The following PDE1C variants were observed in gnomAD, a reference collection of about 807,000 sequenced individuals.
The protein encoded by PDE1C is phosphodiesterase 1C, also known as dual specificity calcium/calmodulin-dependent 3',5'-cyclic nucleotide phosphodiesterase 1C.
Under a neutral mutation model 93.1 loss-of-function variants are expected in PDE1C, and 62 were observed. The ratio of observed to expected loss-of-function variants is 0.67; its 90% CI spans 0.54 to 0.82. The LOEUF (loss-of-function observed/expected upper bound fraction) is 0.82, where lower values mean the gene tolerates loss of function less well. PDE1C is among the 40% of genes least tolerant of loss of function. PDE1C has a pLI of 0.00. For synonymous variants in PDE1C, 325 were observed against 310.1 expected, an observed-to-expected ratio of 1.05 and a Z score of -0.50; for missense variants, 742 against 884.6, an observed-to-expected ratio of 0.84 and a Z score of 2.04.
chr7:31,698,774 A>T, the PDE1C span, among the ~76,000 whole-genome samples: 1 of 152,214 alleles, frequency 6.6e-6, no homozygotes, highest in Non-Finnish European at 1.5e-5. Flanking sequence ...AGAATGGGAG[A>T]TAGAAATTGC....
intron 1 of PDE1C, among the ~76,000 whole-genome samples, chr7:32,058,966 G>GAAA (rs201751388): frequency 4.4e-5 from 6 of 136,532 alleles, no homozygotes; most frequent in Admixed American, 7.3e-5. Flanking sequence ...TTATAAAATG[G>GAAA]AAAAAAAAAA....
chr7:32,206,605 C>T (rs73304660), intron 2 of PDE1C, among the ~76,000 whole-genome samples: 6,066 of 152,232 alleles, frequency 0.04, 409 homozygotes, highest in African/African-American at 0.14. Flanking sequence ...CAGGGGAGAT[C>T]AGCTGTTCCC....
chr7:32,083,636 G>C (rs559214291), intron 3 of PDE1C, among the ~76,000 whole-genome samples: 4 of 152,342 alleles, frequency 2.6e-5, no homozygotes, highest in Admixed American at 2.6e-4. Flanking sequence ...AAGCCCATCA[G>C]ACTAACAGCA....
intron 1 of PDE1C, among the ~76,000 whole-genome samples, chr7:32,381,971 G>A (rs1199745153): frequency 2.0e-5 from 3 of 152,068 alleles, no homozygotes; most frequent in Non-Finnish European, 2.9e-5. Flanking sequence ...GCACTGATTC[G>A]AGCATTTTTA....
At chr7:32,232,820 C>T (rs1807804554) in intron 1 of PDE1C, among the ~76,000 whole-genome samples, 2 of 152,134 alleles carry the variant, frequency 1.3e-5, no homozygotes, top group South Asian at 2.1e-4. Context: ...ACAGAAAGGG[C>T]TTTGAAAACA....
At chr7:32,185,793 C>A (rs900840736) in intron 2 of PDE1C, among the ~76,000 whole-genome samples, 5 of 152,122 alleles carry the variant, frequency 3.3e-5, no homozygotes, top group African/African-American at 1.2e-4. Context: ...TTAATAAAAT[C>A]AAAAATCCAC....
intron 1 of PDE1C, among the ~76,000 whole-genome samples, chr7:32,286,601 C>T (rs552530210): frequency 3.3e-5 from 5 of 152,180 alleles, no homozygotes; most frequent in Admixed American, 6.5e-5. Context: ...CCTCATGGGG[C>T]ATTCAGGATT....
chr7:32,368,900 C>T (rs756668756), intron 1 of PDE1C, among the ~76,000 whole-genome samples: 10 of 152,112 alleles, frequency 6.6e-5, no homozygotes, highest in Non-Finnish European at 1.2e-4. Context: ...TGGAGAAAGA[C>T]ACTCTCATCA....
chr7:31,694,380 T>TCAAACACACACACA, the PDE1C span, among the ~76,000 whole-genome samples: 441 of 109,152 alleles, frequency 4.0e-3, 1 homozygote, highest in African/African-American at 0.015. Context: ...TCTCTCTCTC[T>TCAAACACACACACA]CTCTCAAACA....
intron 3 of PDE1C, among the ~76,000 whole-genome samples, chr7:32,129,552 A>AGGCAG (rs1225574999): frequency 8.1e-5 from 10 of 123,750 alleles, no homozygotes; most frequent in African/African-American, 2.7e-4. Context: ...AATAACCCTC[A>AGGCAG]AGTTTCTCTT....
intron 2 of PDE1C, among the ~76,000 whole-genome samples, chr7:31,946,009 C>G (rs541433376): frequency 2.0e-5 from 3 of 152,152 alleles, no homozygotes; most frequent in Non-Finnish European, 2.9e-5. Flanking sequence ...TTATTTCTAG[C>G]ATCTCCTTTT....
intron 2 of PDE1C, among the ~76,000 whole-genome samples, chr7:31,931,914 A>T (rs2128982698): frequency 6.6e-6 from 1 of 152,236 alleles, no homozygotes; most frequent in Non-Finnish European, 1.5e-5. Flanking sequence ...ATAACACCAC[A>T]CACCTACAAC....
At chr7:31,676,790 A>G in the PDE1C span, among the ~76,000 whole-genome samples, 1 of 152,168 alleles carries the variant, frequency 6.6e-6, no homozygotes, top group Non-Finnish European at 1.5e-5. Context: ...TAAATAGACA[A>G]TTCATTAGCC....
At chr7:31,995,171 T>G (rs1193678829) in intron 2 of PDE1C, among the ~76,000 whole-genome samples, 1 of 152,230 alleles carries the variant, frequency 6.6e-6, no homozygotes, top group African/African-American at 2.4e-5. Context: ...CAGTTTTTTG[T>G]TTCCCCTGAG....
At chr7:32,174,076 A>T (rs1802827105) in intron 2 of PDE1C, among the ~76,000 whole-genome samples, 2 of 152,158 alleles carry the variant, frequency 1.3e-5, no homozygotes, top group South Asian at 4.1e-4. Flanking sequence ...ATATCTTAAT[A>T]AGATATGGTC....
chr7:32,289,395 G>A (rs1312384277), intron 1 of PDE1C, among the ~76,000 whole-genome samples: 6 of 152,188 alleles, frequency 3.9e-5, no homozygotes, highest in Admixed American at 2.0e-4. Flanking sequence ...AAGTGACAAA[G>A]CAAGACTCTG....
chr7:31,729,867 A>G, the PDE1C span, among the ~76,000 whole-genome samples: 4 of 152,208 alleles, frequency 2.6e-5, no homozygotes, highest in African/African-American at 9.7e-5. Flanking sequence ...TCTGTAGACA[A>G]AGCATGAAGA....
At chr7:32,185,603 A>C (rs549201139) in intron 2 of PDE1C, among the ~76,000 whole-genome samples, 30 of 152,284 alleles carry the variant, frequency 2.0e-4, no homozygotes, top group Admixed American at 7.9e-4. Context: ...CATTTTGCAG[A>C]GATATTCAAA....
intron 2 of PDE1C, among the ~76,000 whole-genome samples, chr7:32,015,399 G>A (rs1483671954): frequency 1.3e-5 from 2 of 151,912 alleles, no homozygotes; most frequent in Admixed American, 6.6e-5. Flanking sequence ...CATTGTTAAC[G>A]CCAAATGGTT....
Sources: gnomAD v4.1 joint callset for allele counts (sites outside exome capture counted in the v4.1 genomes callset) on GRCh38, gnomAD v4.1.1 for gene constraint, MANE v1.5 for transcripts, NCBI Gene and HGNC (gene_info 2026-07-23, HGNC 2026-07-21) for gene names.